Variants in EHBP1 observed in about 807,000 individuals in gnomAD.
EHBP1 encodes the protein EH domain-binding protein 1.
A neutral mutation model predicts 144.0 loss-of-function variants in EHBP1; 55 were observed. The ratio of observed to expected loss-of-function variants is 0.38; its 90% confidence interval spans 0.31 to 0.48. EHBP1 has a LOEUF of 0.48. Among genes scored for constraint, EHBP1 ranks in the 20% least tolerant of loss-of-function variants. EHBP1 has a pLI of 0.98. For missense variants in EHBP1, 1,200 were observed against 1,364.2 expected (o/e 0.88, Z 1.90); for synonymous variants, 469 against 472.7 (o/e 0.99, Z 0.10).
rs187479413 is a variant in EHBP1 at position 62,754,724 on chromosome 2, G to T, written c.162+7272G>T. Among the ~76,000 whole-genome samples the T allele has an allele frequency of 3.3e-3, 510 of 152,334 alleles. 2 individuals are homozygous for T. The highest frequency in any genetic ancestry group is 0.017 in the Middle Eastern group (5 of 292). ...CCCGCAGCCTTGCTGCTGCCTTGCA[G>T]TTCAATCTCCGACTGCTGTACTAGC... On this transcript the variant is annotated intron_variant, in intron 3 of 22. Transcript: ENST00000431489.
rs558918574 is a variant in EHBP1, at chr2:62,943,955, A to C, written c.1413+105A>C. On this transcript the variant is annotated intron_variant, in intron 12 of 22. Coordinates refer to ENST00000431489, the MANE Select transcript of EHBP1 (RefSeq NM_001142616.3). Reference sequence around the variant, plus strand: ...GGCAGTTTTATGAGGTCATAACTACAACTCACAGAGGGTTGTCTGCTTACT... The same window carrying C: ...GGCAGTTTTATGAGGTCATAACTACCACTCACAGAGGGTTGTCTGCTTACT... The C allele has an allele frequency of 5.5e-6, 4 of 726,668 alleles. No individual in the cohort carries two copies. The East Asian group carries it at 1.1e-4, about 20-fold the overall frequency. The allele number at this position is 726,668 out of a possible 1,614,324, so 45.0% of individuals were successfully genotyped here.
At chr2:62,720,888 T>C (rs2036161033) in intron 2 of EHBP1, among the ~76,000 whole-genome samples, 1 of 152,214 alleles carries the variant, frequency 6.6e-6, no homozygotes, top group Non-Finnish European at 1.5e-5. Flanking sequence ...GATTTTGTGT[T>C]GGGCCGCAGT....
chr2:62,987,950 G>A, intron 15 of EHBP1: 1 of 1,590,826 alleles, frequency 6.3e-7, no homozygotes, highest in Non-Finnish European at 8.6e-7. Flanking sequence ...ATAATATTGA[G>A]ATAGATACTA....
rs1276688990 is a variant in EHBP1, at chr2:62,727,082, C to G, written c.104+19787C>G. Among the ~76,000 whole-genome samples the G allele has an allele frequency of 3.9e-5, 6 of 152,160 alleles. No homozygotes were observed. In the South Asian group the frequency reaches 6.2e-4, roughly 16 times the overall value. Reference sequence around the variant, plus strand: ...TTCACCATGTTGGTCAGGCTGGTCTCAAACTCCTGACCTTGTGATCCGCCC... The same window carrying G: ...TTCACCATGTTGGTCAGGCTGGTCTGAAACTCCTGACCTTGTGATCCGCCC... On this transcript the variant is annotated intron_variant, in intron 2 of 22. Transcript: ENST00000431489.
At chr2:62,709,600 C>T (rs920359049) in intron 2 of EHBP1, among the ~76,000 whole-genome samples, 13 of 151,968 alleles carry the variant, frequency 8.6e-5, no homozygotes, top group Non-Finnish European at 1.3e-4. Context: ...AAAGCTACAG[C>T]GAAAATTTAG....
At chr2:62,774,485 T>C (rs983424136) in intron 5 of EHBP1, among the ~76,000 whole-genome samples, 16 of 152,182 alleles carry the variant, frequency 1.1e-4, no homozygotes, top group Non-Finnish European at 2.4e-4. Context: ...GTATTAGCAG[T>C]TTGCTTTACT....
At chr2:62,956,034 C>G (rs1323834494) in intron 14 of EHBP1, 3 of 155,552 alleles carry the variant, frequency 1.9e-5, no homozygotes, top group African/African-American at 7.2e-5. Flanking sequence ...TTATTGAATA[C>G]CTACTAAGTA....
chr2:62,797,246 G>T (rs1249231284), intron 5 of EHBP1, among the ~76,000 whole-genome samples: 1 of 152,118 alleles, frequency 6.6e-6, no homozygotes, highest in African/African-American at 2.4e-5. Context: ...CAGCAACCTG[G>T]TGGTAGTTGT....
At chr2:63,012,509 CT>C (rs1051626685) in intron 19 of EHBP1, among the ~76,000 whole-genome samples, 20 of 152,024 alleles carry the variant, frequency 1.3e-4, no homozygotes, top group Middle Eastern at 3.4e-3. Flanking sequence ...TCAGTTTAGA[CT>C]TTTTTTTCAT....
chr2:62,715,846 C>T (rs145695778), intron 2 of EHBP1, among the ~76,000 whole-genome samples: 1 of 152,226 alleles, frequency 6.6e-6, no homozygotes, highest in African/African-American at 2.4e-5. Context: ...TTGAGAGAAA[C>T]GTTTTCTATC....
rs988822916 is a variant in EHBP1, at chr2:62,797,315, A to G, written c.312+25923A>G. 3.3e-5 allele frequency among the ~76,000 whole-genome samples: 5 copies of G among 152,370 alleles called. No individual in the cohort carries two copies. In the East Asian group the frequency reaches 9.6e-4, roughly 29 times the overall value. ...CTGGATGCCACACTAGACACATCCC[A>G]GCCCCACGGGCACCAGTTGATTGGC... On this transcript the variant is annotated intron_variant, in intron 5 of 22. Transcript: ENST00000431489.
At chr2:62,678,621 C>T (rs890485632) in intron 1 of EHBP1, among the ~76,000 whole-genome samples, 1 of 151,810 alleles carries the variant, frequency 6.6e-6, no homozygotes, top group Non-Finnish European at 1.5e-5. Context: ...TGTTATTATT[C>T]AACTCATTTT....
intron 7 of EHBP1, among the ~76,000 whole-genome samples, chr2:62,857,955 G>C (rs552469963): frequency 6.6e-6 from 1 of 151,016 alleles, no homozygotes; most frequent in South Asian, 2.1e-4. Context: ...TACTTATTAT[G>C]TATATAATCC....
At chr2:62,883,294 T>A (rs1443765664) in intron 10 of EHBP1, among the ~76,000 whole-genome samples, 1 of 152,206 alleles carries the variant, frequency 6.6e-6, no homozygotes, top group Non-Finnish European at 1.5e-5. Flanking sequence ...TTCTTGTAGC[T>A]TGAAAGTATG....
intron 5 of EHBP1, among the ~76,000 whole-genome samples, chr2:62,793,457 G>A (rs939367437): frequency 6.6e-6 from 1 of 152,008 alleles, no homozygotes; most frequent in Non-Finnish European, 1.5e-5. Context: ...TTTTGCAATG[G>A]TCATGTTGAT....
At chr2:62,845,927 G>T (rs1327076683) in intron 7 of EHBP1, among the ~76,000 whole-genome samples, 4 of 152,110 alleles carry the variant, frequency 2.6e-5, no homozygotes, top group Admixed American at 6.6e-5. Flanking sequence ...GAGAGGTAGG[G>T]CAATTCTGAT....
chr2:62,739,765 A>G (rs943800747), intron 2 of EHBP1, among the ~76,000 whole-genome samples: 2 of 151,858 alleles, frequency 1.3e-5, no homozygotes, highest in African/African-American at 4.8e-5. Flanking sequence ...CAACATAGCA[A>G]TCTCTACAAA....
At chr2:62,932,501 ATAT>A (rs1285007224) in intron 10 of EHBP1, among the ~76,000 whole-genome samples, 78 of 152,356 alleles carry the variant, frequency 5.1e-4, no homozygotes, top group Non-Finnish European at 3.1e-4. Flanking sequence ...GATTTCACTT[ATAT>A]GAAATCAAGA....
At chr2:62,881,114 A>G (rs990941162) in intron 10 of EHBP1, among the ~76,000 whole-genome samples, 9 of 152,292 alleles carry the variant, frequency 5.9e-5, no homozygotes, top group South Asian at 2.1e-4. Context: ...GCTGGAGGCC[A>G]TTATCCTAAA....
Sources: allele counts gnomAD v4.1 joint callset (sites outside exome capture counted in the v4.1 genomes callset), GRCh38; gene constraint gnomAD v4.1.1; transcripts MANE v1.5; gene names NCBI Gene and HGNC (gene_info 2026-07-23, HGNC 2026-07-21).